Variants in PTP4A3 observed in about 807,000 individuals in gnomAD.
PTP4A3 encodes protein tyrosine phosphatase type IVA 3.
Under a neutral mutation model 15.2 loss-of-function variants are expected in PTP4A3, and 9 were observed. The ratio of observed to expected loss-of-function variants is 0.59; its 90% CI spans 0.36 to 1.03. The LOEUF (loss-of-function observed/expected upper bound fraction) is 1.03. Ranked by LOEUF, PTP4A3 falls within the 50% of genes least tolerant of loss-of-function variation. The pLI, the probability that PTP4A3 is intolerant of heterozygous loss-of-function variation, is 0.02. For missense variants in PTP4A3, 234 were observed against 252.1 expected (o/e 0.93, Z 0.49); for synonymous variants, 95 against 102.0 (o/e 0.93, Z 0.41).
Position 141,422,091 on chromosome 8 carries a change from A to T in PTP4A3, c.-150A>T, listed in dbSNP as rs1370774967. On this transcript the variant is annotated 5_prime_UTR_variant, in exon 2 of 6. An upstream start codon of the reference 5' UTR is lost. Transcript: ENST00000521578. Reference sequence around the variant, plus strand: ...TATTTGCACAATATTTGTGCGGGGTATGGGGGTGGGTTTTTAAATCTCGTT... The same window carrying T: ...TATTTGCACAATATTTGTGCGGGGTTTGGGGGTGGGTTTTTAAATCTCGTT... The T allele has an allele frequency of 3.0e-6, 2 of 667,818 alleles. No individual in the cohort carries two copies. Among genetic ancestry groups the T allele is most frequent in the South Asian group, 1.8e-5 (1 of 54,102 alleles). The allele number at this position is 667,818 out of a possible 1,614,324, so 41.4% of individuals were successfully genotyped here.
chr8:141,427,867 A>T, intron 5 of PTP4A3, 43 bp downstream of exon 5: 5 of 1,507,472 alleles, frequency 3.3e-6, no homozygotes, highest in African/African-American at 1.4e-5. Context: ...GCGCTGGGGG[A>T]GGGGAGATCC....
At chr8:141,392,287 G>C (rs1586527466) in intron 1 of PTP4A3, 4 of 152,150 alleles carry the variant, frequency 2.6e-5, no homozygotes, top group African/African-American at 9.6e-5. Context: ...TGGGCCTGGA[G>C]GCTGCCACGT....
chr8:141,410,299 C>G (rs1049007297), intron 1 of PTP4A3, among the ~76,000 whole-genome samples: 1 of 152,210 alleles, frequency 6.6e-6, no homozygotes, highest in African/African-American at 2.4e-5. Flanking sequence ...AGGTGGGGTT[C>G]GGTGAGGCAC....
At position 141,431,289 on chromosome 8, in the gene PTP4A3, G is replaced by C. The variant is rs1430960818; in HGVS notation, c.*245G>C. On this transcript the variant is annotated 3_prime_UTR_variant, in exon 6 of 6. Transcript: ENST00000521578. ...ACTCCCTCTGGCGGCGCTGGCCGTG[G>C]CTCTGTCTCTCTGAGGTGGGTCGGG... 3.6e-6 allele frequency: 2 copies of C among 556,226 alleles called. No homozygotes were observed. The highest frequency in any genetic ancestry group is 3.3e-5 in the Admixed American group (1 of 30,694). 34.5% of individuals were successfully genotyped at this position (556,226 alleles called of 1,614,324 possible).
chr8:141,421,597 C>T lies in PTP4A3; in HGVS notation c.-644C>T, dbSNP rs528071174. On this transcript the variant is annotated 5_prime_UTR_variant, in exon 2 of 6. Coordinates refer to ENST00000521578, the MANE Select transcript of PTP4A3 (RefSeq NM_032611.3). ...CCCCCTGCCCCACTCCAGGACTCAC[C>T]GTACCCCGATGGGGTAACGTGACAC... is the stretch of plus-strand genomic sequence containing the variant. The T allele has an allele frequency of 4.5e-4, 69 of 152,754 alleles. No homozygotes were observed. Among genetic ancestry groups the T allele is most frequent in the Non-Finnish European group, 6.9e-4 (47 of 68,364 alleles). 9.5% of individuals were successfully genotyped at this position (152,754 alleles called of 1,614,324 possible).
chr8:141,415,578 G>A (rs1833007330), intron 1 of PTP4A3, among the ~76,000 whole-genome samples: 1 of 137,664 alleles, frequency 7.3e-6, no homozygotes, highest in South Asian at 2.6e-4. Context: ...CCGCGCCCCC[G>A]CCTCCCACAT....
At chr8:141,398,150 A>G (rs1198337786) in intron 1 of PTP4A3, among the ~76,000 whole-genome samples, 1 of 152,164 alleles carries the variant, frequency 6.6e-6, no homozygotes, top group East Asian at 1.9e-4. Flanking sequence ...GCCAGTGCTC[A>G]GGGTTTATTT....
chr8:141,421,919 T>C lies in PTP4A3; in HGVS notation c.-322T>C, dbSNP rs1325574330. On this transcript the variant is annotated 5_prime_UTR_variant, in exon 2 of 6. Transcript: ENST00000521578. ...TTTTGCCTCTTTATGACTATCCAGC[T>C]CTGAGAGACGGGAGTTTGGAGTTGC... The C allele has an allele frequency of 1.1e-5, 4 of 366,904 alleles. No individual in the cohort carries two copies. The highest frequency in any genetic ancestry group is 2.0e-5 in the Non-Finnish European group (4 of 203,774). 22.7% of individuals were successfully genotyped at this position (366,904 alleles called of 1,614,324 possible). A position where few individuals can be genotyped will look rare whatever the true frequency, so the allele number is the denominator to read the frequency against.
intron 1 of PTP4A3, among the ~76,000 whole-genome samples, chr8:141,393,744 G>C (rs1832363535): frequency 6.6e-6 from 1 of 152,198 alleles, no homozygotes; most frequent in African/African-American, 2.4e-5. Context: ...CCAAGTAACA[G>C]CCCAGAACAT....
rs1832715059 is a variant in PTP4A3 at position 141,406,119 on chromosome 8, C to G, written c.-854+14035C>G. 6.6e-6 allele frequency among the ~76,000 whole-genome samples: 1 copy of G among 151,964 alleles called. No homozygotes were observed. Among genetic ancestry groups the G allele is most frequent in the Non-Finnish European group, 1.5e-5 (1 of 67,976 alleles). Reference sequence around the variant, plus strand: ...CTTAGGTCGAGGACACTGGTGGGGGCAGTGGTGGGGATACCCAGGATGCCA... The same window carrying G: ...CTTAGGTCGAGGACACTGGTGGGGGGAGTGGTGGGGATACCCAGGATGCCA... On this transcript the variant is annotated intron_variant, in intron 1 of 5. Coordinates refer to ENST00000521578, the MANE Select transcript of PTP4A3 (RefSeq NM_032611.3). The surrounding 1 kb of genome is among the most constrained non-coding windows in gnomAD (Gnocchi z 4.5).
intron 1 of PTP4A3, 143 bp from the exon 2 acceptor site, chr8:141,421,245 G>A (rs1833314271): frequency 6.6e-6 from 1 of 152,312 alleles, no homozygotes; most frequent in Non-Finnish European, 1.5e-5. Flanking sequence ...ACCCAAAAGG[G>A]TCATTCTCTC....
chr8:141,407,902 T>G (rs1164843617), intron 1 of PTP4A3, among the ~76,000 whole-genome samples: 2 of 152,134 alleles, frequency 1.3e-5, no homozygotes, highest in Non-Finnish European at 2.9e-5. Context: ...CATGAGGTTT[T>G]TTGTTGTTGT....
At chr8:141,420,919 T>C (rs563561152) in intron 1 of PTP4A3, among the ~76,000 whole-genome samples, 1 of 152,324 alleles carries the variant, frequency 6.6e-6, no homozygotes, top group Admixed American at 6.5e-5. Flanking sequence ...ACACCTGGGC[T>C]CAGATGTTCA....
intron 1 of PTP4A3, among the ~76,000 whole-genome samples, chr8:141,419,182 C>T (rs1833204700): frequency 6.6e-6 from 1 of 152,154 alleles, no homozygotes; most frequent in Admixed American, 6.5e-5. Context: ...TCCCAGTAGC[C>T]TGCAGCCCTG....
rs1417210774 is a variant in PTP4A3 at position 141,422,505 on chromosome 8, G to A, written c.105+160G>A. 2.0e-5 allele frequency among the ~76,000 whole-genome samples: 3 copies of A among 152,216 alleles called. No individual in the cohort carries two copies. The East Asian group carries it at 5.8e-4, about 29-fold the overall frequency. On this transcript the variant is annotated intron_variant, in intron 2 of 5. Coordinates refer to ENST00000521578, the MANE Select transcript of PTP4A3 (RefSeq NM_032611.3). ...CAGTCGCCTGTTACAGGATCCTGGAGGAGGGAGATGGGGGTGCCCCGGGGG... is the reference window on the plus strand; with the variant it reads ...CAGTCGCCTGTTACAGGATCCTGGAAGAGGGAGATGGGGGTGCCCCGGGGG...
At position 141,430,627 on chromosome 8, in the gene PTP4A3, C is replaced by T. The variant is rs1399204889; in HGVS notation, c.405-300C>T. On this transcript the variant is annotated intron_variant, in intron 5 of 5. Transcript: ENST00000521578. Reference sequence around the variant, plus strand: ...CACCACCCTTGTTGTCTGCTCATGGCCTTGGGGTGGGTCCTACCGAGCTAG... The same window carrying T: ...CACCACCCTTGTTGTCTGCTCATGGTCTTGGGGTGGGTCCTACCGAGCTAG... Among the ~76,000 whole-genome samples the T allele has an allele frequency of 2.0e-5, 3 of 152,172 alleles. No individual in the cohort carries two copies. The East Asian group carries it at 5.8e-4, about 29-fold the overall frequency.
chr8:141,430,593 G>T (rs1019899151), intron 5 of PTP4A3, among the ~76,000 whole-genome samples: 3 of 152,216 alleles, frequency 2.0e-5, no homozygotes, highest in Non-Finnish European at 4.4e-5. Flanking sequence ...GATGGTGGAG[G>T]TGCCCAGGCA....
At chr8:141,400,439 G>A (rs374590433) in intron 1 of PTP4A3, among the ~76,000 whole-genome samples, 1 of 152,228 alleles carries the variant, frequency 6.6e-6, no homozygotes, top group East Asian at 1.9e-4. Context: ...TGCCGGCCTC[G>A]GGTGCTGTTT....
chr8:141,430,835 C>T, intron 5 of PTP4A3, 92 bp from the exon 6 acceptor site: 4 of 1,248,720 alleles, frequency 3.2e-6, no homozygotes, highest in Admixed American at 1.8e-5. Context: ...TTACTCCAGC[C>T]CACTGCACTC....
Sources: allele counts gnomAD v4.1 joint callset (sites outside exome capture counted in the v4.1 genomes callset), GRCh38; gene constraint gnomAD v4.1.1; non-coding constraint Gnocchi (gnomAD v3.1); transcripts MANE v1.5; gene names NCBI Gene and HGNC (gene_info 2026-07-23, HGNC 2026-07-21).